Variants in RUFY1 observed in about 807,000 individuals in gnomAD.
RUFY1 encodes RUN and FYVE domain-containing protein 1.
In RUFY1, 54 loss-of-function variants were observed where a neutral mutation model predicts 94.6. That is an observed-to-expected ratio of 0.57 (90% CI 0.46 to 0.72). The LOEUF is 0.72. RUFY1 is among the 30% of genes least tolerant of loss of function. RUFY1 has a pLI of 0.00. For missense variants in RUFY1, 883 were observed against 883.9 expected, an observed-to-expected ratio of 1.00 and a Z score of 0.01; for synonymous variants, 396 against 347.3, an observed-to-expected ratio of 1.14 and a Z score of -1.56.
At chr5:179,605,607 A>T (rs1419602551) in intron 15 of RUFY1, among the ~76,000 whole-genome samples, 7 of 152,100 alleles carry the variant, frequency 4.6e-5, no homozygotes, top group Admixed American at 1.3e-4. Flanking sequence ...AGCCTCCCTC[A>T]AAGTCTTTTT....
At chr5:179,604,441 C>T (rs1339809759) in intron 15 of RUFY1, among the ~76,000 whole-genome samples, 1 of 152,166 alleles carries the variant, frequency 6.6e-6, no homozygotes, top group Non-Finnish European at 1.5e-5. Flanking sequence ...AAGGTCTGTC[C>T]ATCTGCGCAG....
chr5:179,559,306 G>A (rs184141933), intron 1 of RUFY1, among the ~76,000 whole-genome samples: 10 of 152,334 alleles, frequency 6.6e-5, no homozygotes, highest in African/African-American at 1.9e-4. Context: ...GATAATGGGA[G>A]TTGAAATGGA....
intron 12 of RUFY1, among the ~76,000 whole-genome samples, chr5:179,595,722 TG>T (rs1765573552): frequency 6.6e-6 from 1 of 152,098 alleles, no homozygotes; most frequent in African/African-American, 2.4e-5. Flanking sequence ...CGGCTAATTT[TG>T]TATTTTTGTA....
At chr5:179,604,707 C>A (rs985732721) in intron 15 of RUFY1, among the ~76,000 whole-genome samples, 9 of 152,168 alleles carry the variant, frequency 5.9e-5, no homozygotes, top group Admixed American at 1.3e-4. Context: ...CCAGGCTGGG[C>A]GTGGGGGCTC....
chr5:179,564,990 T>C (rs774782011), intron 3 of RUFY1, among the ~76,000 whole-genome samples: 34 of 138,818 alleles, frequency 2.4e-4, no homozygotes, highest in Admixed American at 5.6e-4. Flanking sequence ...ATGTTAAATT[T>C]TTTTGTAAAA....
chr5:179,569,108 G>T (rs1444729998), intron 4 of RUFY1, 194 bp from the exon 5 acceptor site: 1 of 972,820 alleles, frequency 1.0e-6, no homozygotes, highest in East Asian at 1.3e-4. Flanking sequence ...CCCATTCTAA[G>T]CCACAGGAAG....
intron 8 of RUFY1, among the ~76,000 whole-genome samples, chr5:179,587,470 C>T (rs564416404): frequency 6.7e-6 from 1 of 149,470 alleles, no homozygotes; most frequent in South Asian, 2.1e-4. Context: ...TGCAAGCTCC[C>T]AAGCTCCACC....
chr5:179,589,502 G>T lies in RUFY1; in HGVS notation c.1027-44G>T, dbSNP rs7713696. ...TTAATGTTTTTAATTTGAACAATAAGATTAATTTTGATGTTAAGAACTGTA... is the reference window on the plus strand; with the variant it reads ...TTAATGTTTTTAATTTGAACAATAATATTAATTTTGATGTTAAGAACTGTA... On this transcript the variant is annotated intron_variant, in intron 8 of 17. Coordinates refer to ENST00000319449, the MANE Select transcript of RUFY1 (RefSeq NM_025158.5). 332 of 1,190,628 alleles carry T rather than the reference G, an allele frequency of 2.8e-4. 1 individual carries two copies. Among genetic ancestry groups the T allele is most frequent in the Middle Eastern group, 8.9e-4 (4 of 4,472 alleles). 73.8% of individuals were successfully genotyped at this position (1,190,628 alleles called of 1,614,324 possible). A position where few individuals can be genotyped will look rare whatever the true frequency, so the allele number is the denominator to read the frequency against.
intron 4 of RUFY1, among the ~76,000 whole-genome samples, chr5:179,568,410 G>A (rs764950816): frequency 9.9e-5 from 15 of 152,154 alleles, no homozygotes; most frequent in Non-Finnish European, 7.3e-5. Context: ...TCTTGTAATT[G>A]AGAAATAGAT....
intron 1 of RUFY1, among the ~76,000 whole-genome samples, chr5:179,552,271 A>G (rs1761904373): frequency 6.6e-6 from 1 of 152,072 alleles, no homozygotes; most frequent in South Asian, 2.1e-4. Context: ...ATAGCACATA[A>G]TAGAACATTG....
At chr5:179,580,237 G>GTATA (rs1413360910) in intron 6 of RUFY1, among the ~76,000 whole-genome samples, 636 of 47,178 alleles carry the variant, frequency 0.013, 3 homozygotes, top group Non-Finnish European at 0.024. Flanking sequence ...GTGTGTGTGT[G>GTATA]TGTGTATATT....
chr5:179,597,497 A>G (rs899702562), intron 13 of RUFY1, among the ~76,000 whole-genome samples: 2 of 151,928 alleles, frequency 1.3e-5, no homozygotes, highest in Admixed American at 6.6e-5. Flanking sequence ...CGGCCTCCCA[A>G]AGTGCTGGGA....
intron 13 of RUFY1, among the ~76,000 whole-genome samples, chr5:179,597,979 A>C (rs1365133218): frequency 6.6e-6 from 1 of 152,194 alleles, no homozygotes; most frequent in Non-Finnish European, 1.5e-5. Flanking sequence ...TCACGAGGTC[A>C]GGAGTTCAAG....
chr5:179,606,315 T>A, intron 16 of RUFY1: 1 of 226,362 alleles, frequency 4.4e-6, no homozygotes, highest in Non-Finnish European at 8.6e-6. Context: ...CCTGTGCCAT[T>A]GCTAGGGACC....
At chr5:179,597,821 C>G (rs1181818849) in intron 13 of RUFY1, among the ~76,000 whole-genome samples, 1 of 152,222 alleles carries the variant, frequency 6.6e-6, no homozygotes, top group East Asian at 1.9e-4. Flanking sequence ...AGGGCAGAGT[C>G]AGCTTCAGGC....
At position 179,582,841 on chromosome 5, in the gene RUFY1, C is replaced by G. The variant is rs188531312; in HGVS notation, c.956+1829C>G. On this transcript the variant is annotated intron_variant, in intron 7 of 17. Coordinates refer to ENST00000319449, the MANE Select transcript of RUFY1 (RefSeq NM_025158.5). Reference sequence around the variant, plus strand: ...CTGGGCAACAAGAGCGAAACTCCATCTCAAAAATAAAAATAAAAATAAAAA... The same window carrying G: ...CTGGGCAACAAGAGCGAAACTCCATGTCAAAAATAAAAATAAAAATAAAAA... 8.8e-4 allele frequency among the ~76,000 whole-genome samples: 134 copies of G among 151,756 alleles called. 1 individual carries two copies. Among genetic ancestry groups the G allele is most frequent in the Non-Finnish European group, 1.3e-3 (89 of 67,892 alleles).
intron 5 of RUFY1, among the ~76,000 whole-genome samples, chr5:179,569,771 G>A (rs1245017837): frequency 6.6e-6 from 1 of 152,082 alleles, no homozygotes; most frequent in African/African-American, 2.4e-5. Context: ...TTGAGACGGA[G>A]TCTCGTTGTG....
At chr5:179,590,601 C>G (rs1432904668) in intron 9 of RUFY1, among the ~76,000 whole-genome samples, 1 of 151,442 alleles carries the variant, frequency 6.6e-6, no homozygotes, top group East Asian at 2.0e-4. Context: ...TCTCCTGCCT[C>G]AGCCTCCCCA....
Position 179,609,653 on chromosome 5 carries a change from G to A in RUFY1, c.*134G>A, listed in dbSNP as rs914463580. On this transcript the variant is annotated 3_prime_UTR_variant, in exon 18 of 18. Transcript: ENST00000319449. The stretch of plus-strand genomic sequence containing the variant: ...TTCTTGCCCGGTCACTGGCACTCCA[G>A]AAGACAGCGTGCCGGAACCGGCAGC... 4.6e-6 allele frequency: 4 copies of A among 874,906 alleles called. No homozygotes were observed. The highest frequency in any genetic ancestry group is 6.6e-6 in the Non-Finnish European group (4 of 603,096). The allele number at this position is 874,906 out of a possible 1,614,324, so 54.2% of individuals were successfully genotyped here. A position where few individuals can be genotyped will look rare whatever the true frequency, so the allele number is the denominator to read the frequency against.
Sources: allele counts gnomAD v4.1 joint callset (sites outside exome capture counted in the v4.1 genomes callset), GRCh38; gene constraint gnomAD v4.1.1; transcripts MANE v1.5; gene names NCBI Gene and HGNC (gene_info 2026-07-23, HGNC 2026-07-21).